DLGAP1: variants seen among roughly 807,000 people sequenced by gnomAD.
DLGAP1 encodes DLG associated protein 1.
DLGAP1 carries 11 observed loss-of-function variants against 90.8 expected under a neutral mutation model. That is an observed-to-expected ratio of 0.12 (90% confidence interval 0.08 to 0.20). The LOEUF is 0.20. Ranked by LOEUF, DLGAP1 falls within the 10% of genes least tolerant of loss-of-function variation. The probability of loss-of-function intolerance (pLI) is 1.00; values close to 1 mark genes in which losing one functional copy is unlikely to be tolerated. For missense variants in DLGAP1, 1,050 were observed against 1,333.8 expected (o/e 0.79, Z 3.31); for synonymous variants, 558 against 540.7 (o/e 1.03, Z -0.44).
At chr18:3,733,409 T>TA (rs1228706677) in intron 6 of DLGAP1, among the ~76,000 whole-genome samples, 1 of 152,170 alleles carries the variant, frequency 6.6e-6, no homozygotes, top group African/African-American at 2.4e-5. Context: ...GGGCTATTGA[T>TA]ATGTGGTATA....
In DLGAP1 at chr18:3,949,413, C is replaced by T. The variant is rs551171387; in HGVS notation, c.-73+55703G>A. 2.6e-5 allele frequency among the ~76,000 whole-genome samples: 4 copies of T among 152,274 alleles called. No individual in the cohort carries two copies. The East Asian group carries it at 7.7e-4, about 29-fold the overall frequency. ...CAGTGGTCTCAGGACCCAGCTGTGGCTCTGGGTTCTGGGTACCTTTTCCCT... is the reference window on the plus strand; with the variant it reads ...CAGTGGTCTCAGGACCCAGCTGTGGTTCTGGGTTCTGGGTACCTTTTCCCT... On this transcript the variant is annotated intron_variant, in intron 3 of 12. Transcript: ENST00000315677.
At chr18:4,148,580 A>G (rs2076624045) in intron 2 of DLGAP1, among the ~76,000 whole-genome samples, 1 of 152,036 alleles carries the variant, frequency 6.6e-6, no homozygotes, top group Non-Finnish European at 1.5e-5. Flanking sequence ...GGGGCCCTTC[A>G]CTCAGTTTGC....
At chr18:4,352,849 G>A (rs1311939115) in intron 1 of DLGAP1, among the ~76,000 whole-genome samples, 2 of 152,026 alleles carry the variant, frequency 1.3e-5, no homozygotes, top group Non-Finnish European at 2.9e-5. Context: ...GTGAATCCCC[G>A]TTACTTTTGT....
At chr18:4,175,326 C>G (rs2077089087) in intron 1 of DLGAP1, among the ~76,000 whole-genome samples, 1 of 151,996 alleles carries the variant, frequency 6.6e-6, no homozygotes, top group African/African-American at 2.4e-5. Context: ...CGACCTTTGT[C>G]AGATGGGTAG....
intron 7 of DLGAP1, among the ~76,000 whole-genome samples, chr18:3,600,811 T>TATATAGATAG (rs1568278344): frequency 1.1e-5 from 1 of 93,256 alleles, no homozygotes; most frequent in African/African-American, 6.0e-5. Flanking sequence ...GATATATAGA[T>TATATAGATAG]ATATATAGAT....
intron 3 of DLGAP1, among the ~76,000 whole-genome samples, chr18:3,992,769 G>A (rs978251337): frequency 7.9e-5 from 12 of 152,134 alleles, no homozygotes; most frequent in Non-Finnish European, 1.3e-4. Flanking sequence ...ATGGATGAGT[G>A]TACAAATACT....
At chr18:4,345,856 C>T (rs11661459) in intron 1 of DLGAP1, among the ~76,000 whole-genome samples, 44,463 of 152,132 alleles carry the variant, frequency 0.29, 7,619 homozygotes, top group South Asian at 0.46. Flanking sequence ...TCAAATATCA[C>T]CTGCAAACAG....
At chr18:3,806,841 T>C (rs1180966320) in intron 5 of DLGAP1, among the ~76,000 whole-genome samples, 1 of 152,200 alleles carries the variant, frequency 6.6e-6, no homozygotes, top group Non-Finnish European at 1.5e-5. Flanking sequence ...GGGCTTTGTT[T>C]ACACAGCCCC....
chr18:3,736,778 A>G (rs1042404528), intron 6 of DLGAP1, among the ~76,000 whole-genome samples: 2 of 152,008 alleles, frequency 1.3e-5, no homozygotes, highest in African/African-American at 2.4e-5. Flanking sequence ...ATCAGAGCAG[A>G]ACTGAAGGAA....
chr18:3,743,831 G>A (rs1010097552), intron 5 of DLGAP1, among the ~76,000 whole-genome samples: 11 of 151,926 alleles, frequency 7.2e-5, no homozygotes, highest in African/African-American at 2.7e-4. Context: ...TGTACTTTTT[G>A]TAGAGATGGG....
intron 2 of DLGAP1, among the ~76,000 whole-genome samples, chr18:4,123,395 T>A (rs2076183409): frequency 6.6e-6 from 1 of 151,982 alleles, no homozygotes; most frequent in Non-Finnish European, 1.5e-5. Context: ...AGACCCTCCA[T>A]AATTACATGC....
intron 1 of DLGAP1, among the ~76,000 whole-genome samples, chr18:4,440,120 C>CAAAAA (rs35152199): frequency 3.4e-4 from 17 of 49,340 alleles, no homozygotes; most frequent in Admixed American, 1.7e-3. Context: ...ACTCCGTCAC[C>CAAAAA]AAAAAAAAAA....
chr18:4,291,961 T>C (rs1344803516), intron 1 of DLGAP1, among the ~76,000 whole-genome samples: 2 of 152,166 alleles, frequency 1.3e-5, no homozygotes, highest in African/African-American at 4.8e-5. Context: ...GGTTCTACAT[T>C]AGAATTCTCT....
intron 7 of DLGAP1, among the ~76,000 whole-genome samples, chr18:3,675,165 G>A (rs1214707466): frequency 2.0e-5 from 3 of 152,172 alleles, no homozygotes; most frequent in Admixed American, 2.0e-4. Flanking sequence ...TTTGCCTCCT[G>A]GTTCAAGCGA....
intron 7 of DLGAP1, among the ~76,000 whole-genome samples, chr18:3,706,789 TA>T (rs1207426125): frequency 1.3e-5 from 2 of 151,664 alleles, no homozygotes; most frequent in African/African-American, 4.9e-5. Flanking sequence ...GTTGACTTAC[TA>T]GGGGCAAGTA....
At chr18:3,960,770 C>T (rs1021713992) in intron 3 of DLGAP1, among the ~76,000 whole-genome samples, 2 of 152,206 alleles carry the variant, frequency 1.3e-5, no homozygotes, top group Admixed American at 6.5e-5. Flanking sequence ...AGCCTTGCTC[C>T]CTGCAGGTGC....
chr18:3,836,978 CAGG>C (rs1474424409), intron 4 of DLGAP1, among the ~76,000 whole-genome samples: 2 of 152,106 alleles, frequency 1.3e-5, no homozygotes, highest in African/African-American at 4.8e-5. Context: ...GGGCTGGCTA[CAGG>C]AGAACTCAGA....
At chr18:3,506,946 A>C (rs1040271157) in intron 11 of DLGAP1, among the ~76,000 whole-genome samples, 2 of 152,196 alleles carry the variant, frequency 1.3e-5, no homozygotes, top group Admixed American at 6.5e-5. Context: ...CATAAGCCAG[A>C]ATAAATTTCT....
chr18:4,388,243 G>A (rs1006665963), intron 1 of DLGAP1, among the ~76,000 whole-genome samples: 1 of 151,916 alleles, frequency 6.6e-6, no homozygotes, highest in African/African-American at 2.4e-5. Context: ...ACATAGAGAG[G>A]GGAAACTCAA....
Sources: gnomAD v4.1 joint callset for allele counts (sites outside exome capture counted in the v4.1 genomes callset) on GRCh38, gnomAD v4.1.1 for gene constraint, MANE v1.5 for transcripts, NCBI Gene and HGNC (gene_info 2026-07-23, HGNC 2026-07-21) for gene names.